The following PTPN13 variants were observed in gnomAD, a reference collection of about 807,000 sequenced individuals.
PTPN13 encodes tyrosine-protein phosphatase non-receptor type 13.
PTPN13 carries 191 observed loss-of-function variants against 284.0 expected under a neutral mutation model. The observed-to-expected ratio is 0.67, with a 90% confidence interval of 0.60 to 0.76. PTPN13 has a LOEUF of 0.76. Among genes scored for constraint, PTPN13 ranks in the 30% least tolerant of loss-of-function variants. The probability of loss-of-function intolerance (pLI) is 0.00; values close to 1 mark genes in which losing one functional copy is unlikely to be tolerated. For missense variants in PTPN13, 2,797 were observed against 2,939.9 expected (o/e 0.95, Z 1.12); for synonymous variants, 986 against 1,022.3 (o/e 0.96, Z 0.68).
At chr4:86,659,127 C>T (rs1277331308) in intron 2 of PTPN13, among the ~76,000 whole-genome samples, 2 of 151,972 alleles carry the variant, frequency 1.3e-5, no homozygotes, top group African/African-American at 4.8e-5. Flanking sequence ...ATAGAAATAT[C>T]ATAAACATCA....
At chr4:86,748,218 G>A (rs750911076) in intron 17 of PTPN13, among the ~76,000 whole-genome samples, 2 of 152,192 alleles carry the variant, frequency 1.3e-5, no homozygotes, top group Non-Finnish European at 2.9e-5. Context: ...CTGAACAATA[G>A]CAGAAACAGA....
At chr4:86,698,500 T>C (rs1254919909) in intron 6 of PTPN13, among the ~76,000 whole-genome samples, 1 of 152,136 alleles carries the variant, frequency 6.6e-6, no homozygotes, top group Non-Finnish European at 1.5e-5. Context: ...GAAGAAGTTA[T>C]ATAAATACAA....
chr4:86,644,922 T>A (rs2148776395), intron 2 of PTPN13, among the ~76,000 whole-genome samples: 1 of 152,210 alleles, frequency 6.6e-6, no homozygotes, highest in East Asian at 1.9e-4. Context: ...AGCTCTCAAC[T>A]CAACGCCGGG....
intron 9 of PTPN13, among the ~76,000 whole-genome samples, chr4:86,718,582 C>T (rs531184553): frequency 2.6e-5 from 4 of 152,068 alleles, no homozygotes; most frequent in African/African-American, 9.7e-5. Context: ...TCCCGAGTAG[C>T]TGGGATTGCA....
At chr4:86,712,558 G>C (rs1276023806) in intron 7 of PTPN13, among the ~76,000 whole-genome samples, 2 of 151,972 alleles carry the variant, frequency 1.3e-5, no homozygotes, top group African/African-American at 4.8e-5. Context: ...TACTACTTCA[G>C]TTAACATAGA....
intron 2 of PTPN13, among the ~76,000 whole-genome samples, chr4:86,641,538 A>G (rs947513812): frequency 6.6e-6 from 1 of 152,162 alleles, no homozygotes; most frequent in East Asian, 1.9e-4. Context: ...TTAAAAGCAA[A>G]ATTGCTATGG....
chr4:86,656,507 C>T (rs1023254211), intron 2 of PTPN13, among the ~76,000 whole-genome samples: 1 of 152,202 alleles, frequency 6.6e-6, no homozygotes, highest in Non-Finnish European at 1.5e-5. Flanking sequence ...TGGAAGTCCA[C>T]TCCAGACCCT....
intron 10 of PTPN13, among the ~76,000 whole-genome samples, chr4:86,729,487 T>C (rs759776873): frequency 6.7e-6 from 1 of 149,736 alleles, no homozygotes; most frequent in Admixed American, 6.7e-5. Flanking sequence ...CAATCAGATA[T>C]AGATTTGGTC....
At chr4:86,672,897 C>T (rs962536191) in intron 3 of PTPN13, among the ~76,000 whole-genome samples, 1 of 152,090 alleles carries the variant, frequency 6.6e-6, no homozygotes, top group South Asian at 2.1e-4. Flanking sequence ...CTTTTTGGCA[C>T]CAGGGACTGG....
chr4:86,671,734 C>A (rs1355649257), intron 2 of PTPN13, among the ~76,000 whole-genome samples: 1 of 152,108 alleles, frequency 6.6e-6, no homozygotes, highest in Non-Finnish European at 1.5e-5. Context: ...AAGATAAAAT[C>A]TAAATTCAAG....
chr4:86,729,130 G>C (rs1457166496), intron 10 of PTPN13, among the ~76,000 whole-genome samples: 4 of 149,214 alleles, frequency 2.7e-5, no homozygotes, highest in African/African-American at 7.3e-5. Context: ...TGAAATTATG[G>C]GTTGAAAATT....
chr4:86,683,152 T>C (rs1729080507), intron 3 of PTPN13, among the ~76,000 whole-genome samples: 3 of 127,864 alleles, frequency 2.3e-5, no homozygotes, highest in Non-Finnish European at 3.4e-5. Context: ...GGTGTGTGCG[T>C]GTGTGTGTGT....
intron 17 of PTPN13, among the ~76,000 whole-genome samples, chr4:86,747,581 C>CAGCAGCAGCAGT (rs1287341154): frequency 1.6e-5 from 2 of 127,688 alleles, no homozygotes; most frequent in Admixed American, 7.8e-5. Context: ...GCAGCAGCAG[C>CAGCAGCAGCAGT]AGTAGTAGTA....
rs1422644960 is a variant in PTPN13 at position 86,677,517 on chromosome 4, G to A, written c.294+4974G>A. Among the ~76,000 whole-genome samples, 4 of 151,502 alleles carry A rather than the reference G, an allele frequency of 2.6e-5. No individual in the cohort carries two copies. The East Asian group carries it at 7.9e-4, about 30-fold the overall frequency. Reference sequence around the variant, plus strand: ...TTTAGTAGAGACAGGGTCTCACCATGTTGGCCAGGATGGTCTCGATCGCTT... The same window carrying A: ...TTTAGTAGAGACAGGGTCTCACCATATTGGCCAGGATGGTCTCGATCGCTT... On this transcript the variant is annotated intron_variant, in intron 3 of 47. Transcript: ENST00000411767.
chr4:86,607,214 A>G (rs943101166), intron 1 of PTPN13, among the ~76,000 whole-genome samples: 5 of 151,874 alleles, frequency 3.3e-5, no homozygotes, highest in Non-Finnish European at 7.4e-5. Flanking sequence ...AAAGATTTTT[A>G]TATATCCATC....
In PTPN13 at chr4:86,620,574, C is replaced by A. The variant is rs142596789; in HGVS notation, c.-5-14678C>A. ...AAAAACATTCTAGGACCTCTTTCTC[C>A]AAGTTTCATGACCTAGAACTGTACT... is the stretch of plus-strand genomic sequence containing the variant. On this transcript the variant is annotated intron_variant, in intron 1 of 47. Coordinates refer to ENST00000411767, the MANE Select transcript of PTPN13 (RefSeq NM_080683.3). 3.2e-4 allele frequency among the ~76,000 whole-genome samples: 48 copies of A among 152,250 alleles called. No homozygotes were observed. In the East Asian group the frequency reaches 8.1e-3, roughly 26 times the overall value.
intron 40 of PTPN13, among the ~76,000 whole-genome samples, chr4:86,794,154 C>A (rs1743028383): frequency 6.6e-6 from 1 of 152,018 alleles, no homozygotes; most frequent in African/African-American, 2.4e-5. Flanking sequence ...TTAGAAAACC[C>A]CATCGTCTCA....
rs776727302 is a variant in PTPN13, at chr4:86,750,570, C to G, written c.2751C>G (p.Leu917=). The G allele has an allele frequency of 6.2e-7, 1 of 1,613,962 alleles. No individual in the cohort carries two copies. The highest frequency in any genetic ancestry group is 8.5e-7 in the Non-Finnish European group (1 of 1,179,878). The part of the protein sequence containing the change: ...ISTGSLASST[L]NKLAVRPLSV... ...CTGGCAGTCTGGCCAGCAGCACCCT[C>G]AACAAACTTGCTGTTCGACCTTTAT... Residue 917 remains leucine, a synonymous_variant, in exon 18 of 48, where the codon CTC becomes CTG. Transcript: ENST00000411767.
At chr4:86,779,965 G>A (rs1453852429) in intron 35 of PTPN13, among the ~76,000 whole-genome samples, 1 of 152,088 alleles carries the variant, frequency 6.6e-6, no homozygotes, top group Non-Finnish European at 1.5e-5. Context: ...TTAAACTATT[G>A]ACTAAGTGAC....
Sources: gnomAD v4.1 joint callset for allele counts (sites outside exome capture counted in the v4.1 genomes callset) on GRCh38, gnomAD v4.1.1 for gene constraint, MANE v1.5 for transcripts, NCBI Gene and HGNC (gene_info 2026-07-23, HGNC 2026-07-21) for gene names.